FGF13: variants seen among roughly 807,000 people sequenced by gnomAD.
The protein encoded by FGF13 is fibroblast growth factor 13.
Under a neutral mutation model 19.5 loss-of-function variants are expected in FGF13, and 2 were observed. The observed-to-expected ratio is 0.10, with a 90% CI of 0.04 to 0.32. The LOEUF is 0.32. FGF13 is among the 10% of genes least tolerant of loss of function. The probability of loss-of-function intolerance (pLI) is 1.00; values close to 1 mark genes in which losing one functional copy is unlikely to be tolerated. For missense variants in FGF13, 113 were observed against 192.7 expected, an observed-to-expected ratio of 0.59 and a Z score of 2.45; for synonymous variants, 72 against 76.9, an observed-to-expected ratio of 0.94 and a Z score of 0.33.
intron 3 of FGF13, among the ~76,000 whole-genome samples, chrX:138,639,036 TTC>T (rs752527321): frequency 8.9e-6 from 1 of 111,793 alleles, no homozygotes; most frequent in African/African-American, 3.3e-5. Context: ...GAGTGTTCTG[TTC>T]TCTGTGTATG....
At chrX:138,768,416 T>C (rs985615280) in intron 3 of FGF13, among the ~76,000 whole-genome samples, 1 of 110,287 alleles carries the variant, frequency 9.1e-6, no homozygotes, top group African/African-American at 3.3e-5. Flanking sequence ...CCTTAAGGGT[T>C]AGTGACCACA....
chrX:138,898,786 T>A lies in FGF13; in HGVS notation c.-112-34136A>T, dbSNP rs182009560. Among the ~76,000 whole-genome samples the A allele has an allele frequency of 1.4e-4, 16 of 111,898 alleles. No individual in the cohort carries two copies. The East Asian group carries it at 4.2e-3, about 30-fold the overall frequency. On this transcript the variant is annotated intron_variant, in intron 1 of 2. Coordinates refer to the FGF13 transcript ENST00000421460. The stretch of plus-strand genomic sequence containing the variant: ...AATTTTATAGATGGAAAGGAGAGAA[T>A]TTGCGTCATCTGCCTTTCCTGTGCA...
At chrX:138,892,754 G>A (rs1466411828) in intron 1 of FGF13, among the ~76,000 whole-genome samples, 1 of 110,462 alleles carries the variant, frequency 9.1e-6, no homozygotes. Flanking sequence ...ATGCCAGGAA[G>A]AGGAGATGGG....
downstream of FGF13, among the ~76,000 whole-genome samples, chrX:138,856,169 C>T (rs1220098793): frequency 9.0e-6 from 1 of 111,500 alleles, no homozygotes; most frequent in Non-Finnish European, 1.9e-5. Context: ...ACCATTTATA[C>T]CTCCAGATGA....
intron 1 of FGF13, among the ~76,000 whole-genome samples, chrX:139,102,544 C>G (rs1005023885): frequency 6.2e-5 from 7 of 112,137 alleles, no homozygotes; most frequent in African/African-American, 2.3e-4. Flanking sequence ...ACCCTGACGT[C>G]TTTTCTTGTT....
chrX:138,681,621 G>A (rs1041122984), intron 3 of FGF13, among the ~76,000 whole-genome samples: 11 of 112,680 alleles, frequency 9.8e-5, no homozygotes, highest in African/African-American at 3.5e-4. Context: ...AAGAGGCCTA[G>A]TTTTTGGCTT....
intron 1 of FGF13, among the ~76,000 whole-genome samples, chrX:138,918,077 G>A (rs1158685152): frequency 1.8e-5 from 2 of 109,140 alleles, no homozygotes; most frequent in East Asian, 2.9e-4. Context: ...ATGGGGAGAC[G>A]AATCATACCA....
At chrX:138,661,127 G>A (rs760979159) in intron 3 of FGF13, among the ~76,000 whole-genome samples, 3 of 111,002 alleles carry the variant, frequency 2.7e-5, no homozygotes, top group East Asian at 3.1e-4. Flanking sequence ...CCCAAACTAC[G>A]TAAGTTACTT....
rs1198501657 is a variant in FGF13 at position 138,620,242 on chromosome X, C to T, written c.*12608G>A. On this transcript the variant is annotated 3_prime_UTR_variant, in exon 5 of 5. Transcript: ENST00000315930. ...CAGAAAACCAAACACTGCGTATTCT[C>T]ACTTATAAGTGAGAGCTGAACATGA... 1.8e-5 allele frequency: 2 copies of T among 110,353 alleles called. No individual in the cohort carries two copies. The highest frequency in any genetic ancestry group is 3.8e-5 in the Non-Finnish European group (2 of 52,899). 9.1% of individuals were successfully genotyped at this position (110,353 alleles called of 1,213,427 possible). A position where few individuals can be genotyped will look rare whatever the true frequency, so the allele number is the denominator to read the frequency against.
At chrX:138,911,015 AG>A (rs1048699828) in intron 1 of FGF13, among the ~76,000 whole-genome samples, 1 of 109,737 alleles carries the variant, frequency 9.1e-6, no homozygotes, top group African/African-American at 3.3e-5. Flanking sequence ...CACAGCTCAA[AG>A]GCCCCAGCAC....
At chrX:138,860,986 G>C (rs2091285582) in intron 2 of FGF13, among the ~76,000 whole-genome samples, 1 of 112,806 alleles carries the variant, frequency 8.9e-6, no homozygotes, top group African/African-American at 3.2e-5. Flanking sequence ...CACAGACACT[G>C]ACAGGTGGCA....
chrX:139,009,617 C>T (rs1229450115), intron 1 of FGF13, among the ~76,000 whole-genome samples: 2 of 111,620 alleles, frequency 1.8e-5, no homozygotes, highest in African/African-American at 6.5e-5. Flanking sequence ...TAATTTGCCA[C>T]TACCAAGCCA....
intron 3 of FGF13, among the ~76,000 whole-genome samples, chrX:138,847,298 C>T (rs2091189433): frequency 9.0e-6 from 1 of 111,634 alleles, no homozygotes; most frequent in African/African-American, 3.3e-5. Flanking sequence ...ACAGGGTTTT[C>T]GTGATCATGC....
At chrX:139,023,617 A>C (rs1482732465) in intron 1 of FGF13, among the ~76,000 whole-genome samples, 1 of 111,691 alleles carries the variant, frequency 9.0e-6, no homozygotes, top group Non-Finnish European at 1.9e-5. Flanking sequence ...GGTGATTCAT[A>C]ATTCTACAAA....
chrX:139,076,261 A>C (rs889223033), intron 1 of FGF13, among the ~76,000 whole-genome samples: 1 of 111,953 alleles, frequency 8.9e-6, no homozygotes, highest in Non-Finnish European at 1.9e-5. Flanking sequence ...TGGTTTAAAA[A>C]AACTCAAAAA....
chrX:138,795,047 G>C (rs1184875214), intron 3 of FGF13, among the ~76,000 whole-genome samples: 1 of 111,793 alleles, frequency 8.9e-6, no homozygotes, highest in Non-Finnish European at 1.9e-5. Flanking sequence ...CGAACTCAGA[G>C]TATAGGAGGG....
chrX:138,933,506 C>G (rs547575129), intron 1 of FGF13, among the ~76,000 whole-genome samples: 2 of 111,377 alleles, frequency 1.8e-5, no homozygotes, highest in South Asian at 7.6e-4. Flanking sequence ...TGTCAAAGTG[C>G]CTTGTTGCTC....
intron 1 of FGF13, among the ~76,000 whole-genome samples, chrX:138,922,291 A>C (rs1223571340): frequency 8.9e-6 from 1 of 111,976 alleles, no homozygotes; most frequent in Non-Finnish European, 1.9e-5. Flanking sequence ...ATGTCTTCAT[A>C]AATTTTCCTA....
intron 3 of FGF13, among the ~76,000 whole-genome samples, chrX:138,668,966 G>T (rs979093363): frequency 1.8e-5 from 2 of 111,261 alleles, no homozygotes; most frequent in Non-Finnish European, 3.8e-5. Context: ...AAGATAGAAT[G>T]CGGAGGGCTG....
Sources: gnomAD v4.1 joint callset for allele counts (sites outside exome capture counted in the v4.1 genomes callset) on GRCh38, gnomAD v4.1.1 for gene constraint, MANE v1.5 for transcripts, NCBI Gene and HGNC (gene_info 2026-07-23, HGNC 2026-07-21) for gene names.